Variants in C3orf49 observed in about 807,000 individuals in gnomAD.
C3orf49 encodes putative uncharacterized protein C3orf49.
C3orf49 carries 27 observed loss-of-function variants against 13.3 expected under a neutral mutation model. That is an observed-to-expected ratio of 2.02 (90% CI 1.49 to 2.79). The LOEUF is 2.79. Ranked by LOEUF, C3orf49 falls within the 30% of genes most tolerant of loss-of-function variation. C3orf49 has a pLI of 0.00. For missense variants in C3orf49, 242 were observed against 134.2 expected (o/e 1.80, Z -3.97); for synonymous variants, 87 against 47.6 (o/e 1.83, Z -3.40).
chr3:63,817,131 T>C (rs79219002), upstream of C3orf49, among the ~76,000 whole-genome samples: 226 of 152,150 alleles, frequency 1.5e-3, 3 homozygotes, highest in East Asian at 0.031. Context: ...CTTTGGCACA[T>C]GCTGTTTCAT....
the C3orf49 span, among the ~76,000 whole-genome samples, chr3:63,798,648 G>A: frequency 6.6e-6 from 1 of 152,042 alleles, no homozygotes; most frequent in African/African-American, 2.4e-5. Flanking sequence ...TATAAAGACT[G>A]AAACAAATGA....
At chr3:63,820,534 A>T (rs192537742) in intron 1 of C3orf49, among the ~76,000 whole-genome samples, 3 of 152,286 alleles carry the variant, frequency 2.0e-5, no homozygotes, top group Non-Finnish European at 2.9e-5. Flanking sequence ...CCTTCTAGAG[A>T]TTCTGAGACC....
chr3:63,827,843 C>T, intron 3 of C3orf49, 118 bp downstream of exon 3: 1 of 568,988 alleles, frequency 1.8e-6, no homozygotes, highest in Non-Finnish European at 3.1e-6. Flanking sequence ...TTTAAATCTG[C>T]TGCTTCTGTC....
At chr3:63,787,453 C>G in the C3orf49 span, among the ~76,000 whole-genome samples, 4 of 152,120 alleles carry the variant, frequency 2.6e-5, no homozygotes, top group African/African-American at 9.7e-5. Context: ...CGGTGTCACA[C>G]AGTTGTCAAC....
chr3:63,835,942 AAATAT>A (rs1701624266), intron 5 of C3orf49, among the ~76,000 whole-genome samples: 2 of 152,036 alleles, frequency 1.3e-5, no homozygotes, highest in South Asian at 4.1e-4. Context: ...TCAGGAATTT[AAATAT>A]AATTTAAAGT....
At chr3:63,788,337 AT>A in the C3orf49 span, among the ~76,000 whole-genome samples, 1 of 152,182 alleles carries the variant, frequency 6.6e-6, no homozygotes, top group Non-Finnish European at 1.5e-5. Flanking sequence ...CAGAGCCATT[AT>A]GTTATTCTGC....
chr3:63,839,126 G>C (rs980644992), intron 5 of C3orf49, among the ~76,000 whole-genome samples: 3 of 152,044 alleles, frequency 2.0e-5, no homozygotes, highest in Admixed American at 2.0e-4. Context: ...GGGGGCGGAG[G>C]TTGCAGTGAG....
chr3:63,815,698 G>A (rs1426084941), upstream of C3orf49, among the ~76,000 whole-genome samples: 1 of 151,808 alleles, frequency 6.6e-6, no homozygotes, highest in Admixed American at 6.6e-5. Context: ...TTTTGGAGGA[G>A]TGCCCACTCC....
chr3:63,782,937 G>A, the C3orf49 span: 1 of 152,094 alleles, frequency 6.6e-6, no homozygotes, highest in East Asian at 1.9e-4. Flanking sequence ...GACTATGAGG[G>A]GATATTAGGA....
rs560092106 is a variant in C3orf49 at position 63,828,813 on chromosome 3, G to T, written c.570+1088G>T. On this transcript the variant is annotated intron_variant, in intron 3 of 6. Transcript: ENST00000295896. ...TTTAGGGATGGTACTGAGAGTTTAA[G>T]TAATTTGCCCACGTAAGTGACAGAG... Among the ~76,000 whole-genome samples, 18 of 152,244 alleles carry T rather than the reference G, an allele frequency of 1.2e-4. 1 individual carries two copies. In the South Asian group the frequency reaches 3.1e-3, roughly 26 times the overall value.
rs749681240 is a variant in C3orf49 at position 63,831,760 on chromosome 3, G to A, written c.765G>A (p.Glu255=). The stretch of plus-strand genomic sequence containing the variant: ...GACATGCTGAGCTTCAACAGTGTGA[G>A]TTTCTGGGGGATGAAATTCTTCAGT... ...AQRHAELQQC[E]FLGDEILQSS... is the part of the protein sequence containing the mutation. The change falls in exon 5 of 7, where the codon GAG becomes GAA. Residue 255 remains glutamate (E), a synonymous_variant. Coordinates refer to ENST00000295896, the MANE Select transcript of C3orf49 (RefSeq NM_001355236.2). 5.3e-5 allele frequency: 37 copies of A among 702,940 alleles called. No individual in the cohort carries two copies. The highest frequency in any genetic ancestry group is 8.6e-5 in the Non-Finnish European group (33 of 385,024). 43.5% of individuals were successfully genotyped at this position (702,940 alleles called of 1,614,324 possible).
chr3:63,839,739 T>TC (rs780238172), intron 5 of C3orf49: 1 of 1,613,318 alleles, frequency 6.2e-7, no homozygotes, highest in East Asian at 2.2e-5. Context: ...CAGCACCATC[T>TC]CCATCAATGA....
chr3:63,810,353 T>C, the C3orf49 span, among the ~76,000 whole-genome samples: 1 of 152,174 alleles, frequency 6.6e-6, no homozygotes, highest in African/African-American at 2.4e-5. Context: ...TGTCATGAAA[T>C]TGGGAACTTT....
the C3orf49 span, among the ~76,000 whole-genome samples, chr3:63,807,305 A>G: frequency 6.6e-6 from 1 of 152,174 alleles, no homozygotes; most frequent in African/African-American, 2.4e-5. Flanking sequence ...CATTTGTAGG[A>G]CAGTCTTTCA....
chr3:63,841,713 A>C (rs892336990), intron 5 of C3orf49, among the ~76,000 whole-genome samples: 1 of 152,240 alleles, frequency 6.6e-6, no homozygotes, highest in Admixed American at 6.5e-5. Flanking sequence ...TCGGTTTTTT[A>C]ACCACCAACA....
the C3orf49 span, among the ~76,000 whole-genome samples, chr3:63,801,244 C>G: frequency 1.3e-5 from 2 of 151,946 alleles, no homozygotes; most frequent in Admixed American, 1.3e-4. Context: ...AGTGGCCACT[C>G]CAATATCTGA....
the C3orf49 span, among the ~76,000 whole-genome samples, chr3:63,797,965 A>T: frequency 6.6e-6 from 1 of 152,146 alleles, no homozygotes. Flanking sequence ...TCATCTTTCT[A>T]ATAACCCCAG....
At chr3:63,838,394 A>G (rs1701678800) in intron 5 of C3orf49, 1 of 1,556,176 alleles carries the variant, frequency 6.4e-7, no homozygotes, top group African/African-American at 1.4e-5. Context: ...AAATTTTTTC[A>G]TAATTTTCCA....
rs1701613705 is a variant in C3orf49, at chr3:63,835,511, A to G, written c.849+3667A>G. The G allele has an allele frequency of 6.7e-6, 5 of 742,274 alleles. No individual in the cohort carries two copies. The South Asian group carries it at 8.2e-5, about 12-fold the overall frequency. 46.0% of individuals were successfully genotyped at this position (742,274 alleles called of 1,614,324 possible). A position where few individuals can be genotyped will look rare whatever the true frequency, so the allele number is the denominator to read the frequency against. ...ATAAAAAAAGGGCTTATAAGGAGTT[A>G]TAACACTCCATTATGGTGAAACTTT... is the stretch of plus-strand genomic sequence containing the variant. On this transcript the variant is annotated intron_variant, in intron 5 of 6. Transcript: ENST00000295896.
Sources: gnomAD v4.1 joint callset for allele counts (sites outside exome capture counted in the v4.1 genomes callset) on GRCh38, gnomAD v4.1.1 for gene constraint, MANE v1.5 for transcripts, NCBI Gene and HGNC (gene_info 2026-07-23, HGNC 2026-07-21) for gene names.